RALGPS1: variants seen among roughly 807,000 people sequenced by gnomAD.
RALGPS1 encodes Ral GEF with PH domain and SH3 binding motif 1.
In RALGPS1, 19 loss-of-function variants were observed where a neutral mutation model predicts 78.8. The observed-to-expected ratio is 0.24, with a 90% CI of 0.17 to 0.35. The LOEUF is 0.35. Among genes scored for constraint, RALGPS1 ranks in the 10% least tolerant of loss-of-function variants. The pLI, the probability that RALGPS1 is intolerant of heterozygous loss-of-function variation, is 1.00. For synonymous variants in RALGPS1, 228 were observed against 256.3 expected (o/e 0.89, Z 1.06); for missense variants, 454 against 688.3 (o/e 0.66, Z 3.81).
chr9:127,209,493 G>A (rs923151607), intron 14 of RALGPS1, among the ~76,000 whole-genome samples: 11 of 152,232 alleles, frequency 7.2e-5, no homozygotes, highest in Non-Finnish European at 1.3e-4. Context: ...CTGTGCTACA[G>A]CTCAGTATGG....
At chr9:127,142,210 G>T (rs990548340) in intron 8 of RALGPS1, among the ~76,000 whole-genome samples, 10 of 152,206 alleles carry the variant, frequency 6.6e-5, no homozygotes, top group African/African-American at 2.2e-4. Context: ...GGCATTAGGG[G>T]ATCCGTCCTT....
chr9:127,171,882 A>T (rs2059585682), intron 10 of RALGPS1, among the ~76,000 whole-genome samples: 1 of 152,212 alleles, frequency 6.6e-6, no homozygotes, highest in Non-Finnish European at 1.5e-5. Context: ...AGATGAGAAT[A>T]TTAGCCCTCT....
chr9:126,974,247 G>A (rs1262179321), intron 3 of RALGPS1, among the ~76,000 whole-genome samples: 2 of 152,106 alleles, frequency 1.3e-5, no homozygotes, highest in Non-Finnish European at 2.9e-5. Flanking sequence ...TTTTCAAAAG[G>A]AACAGAACAG....
intron 3 of RALGPS1, among the ~76,000 whole-genome samples, chr9:126,976,507 T>C (rs1185191806): frequency 6.6e-6 from 1 of 152,158 alleles, no homozygotes; most frequent in Non-Finnish European, 1.5e-5. Context: ...CCAGGAACGC[T>C]ACCTCTTGTC....
intron 4 of RALGPS1, among the ~76,000 whole-genome samples, chr9:127,012,118 G>T (rs1451907922): frequency 6.6e-6 from 1 of 152,164 alleles, no homozygotes; most frequent in Non-Finnish European, 1.5e-5. Flanking sequence ...ATTTATGGCT[G>T]CAGATTGTTT....
chr9:127,178,542 G>A (rs1388592046), intron 11 of RALGPS1: 2 of 961,276 alleles, frequency 2.1e-6, no homozygotes, highest in East Asian at 2.3e-4. Flanking sequence ...CTCCATCATT[G>A]CCTCAGCCTG....
intron 6 of RALGPS1, among the ~76,000 whole-genome samples, chr9:127,051,583 A>G (rs549518813): frequency 1.3e-5 from 2 of 152,352 alleles, no homozygotes; most frequent in Admixed American, 6.5e-5. Flanking sequence ...ATTCTTACAC[A>G]CAGGAAACAA....
chr9:126,959,477 C>A (rs1469370638), intron 1 of RALGPS1, among the ~76,000 whole-genome samples: 1 of 152,052 alleles, frequency 6.6e-6, no homozygotes, highest in Non-Finnish European at 1.5e-5. Context: ...TCTCTCAGGA[C>A]AAAAATGACT....
At chr9:127,101,228 A>G (rs1230007296) in intron 8 of RALGPS1, among the ~76,000 whole-genome samples, 1 of 152,250 alleles carries the variant, frequency 6.6e-6, no homozygotes, top group Non-Finnish European at 1.5e-5. Context: ...TGTGCTTTGC[A>G]CACCGTTTCA....
intron 8 of RALGPS1, chr9:127,089,283 G>T: frequency 1.3e-6 from 1 of 796,838 alleles, no homozygotes; most frequent in Non-Finnish European, 2.0e-6. Flanking sequence ...CATGGGTGGT[G>T]AGAGGCCATG....
intron 8 of RALGPS1, among the ~76,000 whole-genome samples, chr9:127,119,949 A>G (rs2055871997): frequency 6.6e-6 from 1 of 152,250 alleles, no homozygotes; most frequent in Non-Finnish European, 1.5e-5. Context: ...GTGCTAGAGA[A>G]GCAAATACTT....
intron 8 of RALGPS1, among the ~76,000 whole-genome samples, chr9:127,070,231 A>G (rs1464012325): frequency 6.6e-6 from 1 of 152,178 alleles, no homozygotes; most frequent in African/African-American, 2.4e-5. Context: ...CACTGATCTG[A>G]CAGTGGGTGG....
intron 1 of RALGPS1, among the ~76,000 whole-genome samples, chr9:126,954,934 C>T (rs999379509): frequency 6.6e-6 from 1 of 152,220 alleles, no homozygotes; most frequent in Non-Finnish European, 1.5e-5. Flanking sequence ...CCAGGTGACT[C>T]AGCTCCAGCC....
At chr9:126,981,253 A>G (rs753085555) in intron 4 of RALGPS1, among the ~76,000 whole-genome samples, 1 of 152,192 alleles carries the variant, frequency 6.6e-6, no homozygotes, top group African/African-American at 2.4e-5. Flanking sequence ...TGGAAGAAGA[A>G]TGTTCCAGGT....
chr9:126,936,806 A>G (rs989903046), intron 1 of RALGPS1, among the ~76,000 whole-genome samples: 1 of 151,860 alleles, frequency 6.6e-6, no homozygotes, highest in Admixed American at 6.5e-5. Context: ...GAGTAGAGAT[A>G]TGGAGACAGG....
chr9:127,216,674 TC>T (rs1291761814), intron 18 of RALGPS1, among the ~76,000 whole-genome samples: 1 of 152,238 alleles, frequency 6.6e-6, no homozygotes, highest in African/African-American at 2.4e-5. Flanking sequence ...TAATTGGCCA[TC>T]CGTATGACAG....
chr9:126,956,163 G>A (rs1281891533), intron 1 of RALGPS1, among the ~76,000 whole-genome samples: 1 of 152,058 alleles, frequency 6.6e-6, no homozygotes, highest in African/African-American at 2.4e-5. Context: ...AGAACCAGGG[G>A]GCACCCTGGT....
intron 5 of RALGPS1, among the ~76,000 whole-genome samples, chr9:127,040,123 G>A (rs759885282): frequency 4.1e-4 from 62 of 152,276 alleles, no homozygotes; most frequent in South Asian, 1.5e-3. Context: ...GAAGTAGGCC[G>A]GGCATGGTGG....
At chr9:127,186,818 G>A (rs550501104) in intron 11 of RALGPS1, among the ~76,000 whole-genome samples, 3 of 152,220 alleles carry the variant, frequency 2.0e-5, no homozygotes, top group Non-Finnish European at 4.4e-5. Flanking sequence ...GAGGCCAGGC[G>A]TGTCTCCCAG....
Sources: gnomAD v4.1 joint callset for allele counts (sites outside exome capture counted in the v4.1 genomes callset) on GRCh38, gnomAD v4.1.1 for gene constraint, MANE v1.5 for transcripts, NCBI Gene and HGNC (gene_info 2026-07-23, HGNC 2026-07-21) for gene names.